PIAS1: variants seen among roughly 807,000 people sequenced by gnomAD.
PIAS1 encodes the protein protein inhibitor of activated STAT 1, also known as E3 SUMO-protein ligase PIAS1.
PIAS1 carries 6 observed loss-of-function variants against 71.3 expected under a neutral mutation model. That is an observed-to-expected ratio of 0.08 (90% CI 0.05 to 0.17). The LOEUF is 0.17. Ranked by LOEUF, PIAS1 falls within the 10% of genes least tolerant of loss-of-function variation. The pLI, the probability that PIAS1 is intolerant of heterozygous loss-of-function variation, is 1.00. For missense variants in PIAS1, 555 were observed against 793.6 expected (o/e 0.70, Z 3.61); for synonymous variants, 303 against 292.9 (o/e 1.03, Z -0.35).
chr15:68,191,572 GCATGACAAGTAACTAA>G lies in PIAS1; in HGVS notation c.*3739_*3754del, dbSNP rs2093120400. 6.6e-6 allele frequency: 1 copy of G among 152,634 alleles called. No homozygotes were observed. The highest frequency in any genetic ancestry group is 2.4e-5 in the African/African-American group (1 of 41,454). The allele number at this position is 152,634 out of a possible 1,614,324, so 9.5% of individuals were successfully genotyped here. On this transcript the variant is annotated 3_prime_UTR_variant, in exon 14 of 14. Coordinates refer to ENST00000249636, the MANE Select transcript of PIAS1 (RefSeq NM_016166.3). ...GCACCTTTCATCCAGAGATTTCAAA[GCATGACAAGTAACTAA>G]CTAATTTTCTTGCAGCATGCTTTGA...
Position 68,084,479 on chromosome 15 carries a change from T to C in PIAS1, c.25-1827T>C, listed in dbSNP as rs1163739689. 2.0e-5 allele frequency among the ~76,000 whole-genome samples: 3 copies of C among 152,186 alleles called. No individual in the cohort carries two copies. The East Asian group carries it at 5.8e-4, about 29-fold the overall frequency. On this transcript the variant is annotated intron_variant, in intron 1 of 13. Coordinates refer to ENST00000249636, the MANE Select transcript of PIAS1 (RefSeq NM_016166.3). ...CTGCTGATATTATAGTTAGTAATTG[T>C]TTACAATCTTTGATAACATTAAAAA...
Position 68,076,226 on chromosome 15 carries a change from T to C in PIAS1, c.25-10080T>C, listed in dbSNP as rs73423740. ...TTATTTTTACCTTAAGATAGGGGAA[T>C]CAGGCTGGGCGCGGTGGCTCACGAA... On this transcript the variant is annotated intron_variant, in intron 1 of 13. Transcript: ENST00000249636. 4.5e-3 allele frequency among the ~76,000 whole-genome samples: 678 copies of C among 152,288 alleles called. 6 individuals carry two copies. The highest frequency in any genetic ancestry group is 0.014 in the African/African-American group (577 of 41,568).
intron 12 of PIAS1, among the ~76,000 whole-genome samples, chr15:68,182,783 C>T (rs2093063390): frequency 6.6e-6 from 1 of 152,178 alleles, no homozygotes; most frequent in African/African-American, 2.4e-5. Context: ...GTATGAAACG[C>T]ACTGTCACTA....
chr15:68,107,709 A>T (rs116628956), intron 2 of PIAS1, among the ~76,000 whole-genome samples: 178 of 152,268 alleles, frequency 1.2e-3, no homozygotes, highest in African/African-American at 4.0e-3. Flanking sequence ...GTGTGATGAA[A>T]GATAAGATGG....
At chr15:68,145,181 A>G (rs1217260797) in intron 4 of PIAS1, among the ~76,000 whole-genome samples, 1 of 152,156 alleles carries the variant, frequency 6.6e-6, no homozygotes, top group Non-Finnish European at 1.5e-5. Flanking sequence ...ATATTTTTAT[A>G]AGTTTCTAAA....
chr15:68,062,349 G>GT (rs1303321176), intron 1 of PIAS1, among the ~76,000 whole-genome samples: 14 of 152,124 alleles, frequency 9.2e-5, no homozygotes, highest in Non-Finnish European at 1.6e-4. Flanking sequence ...GCAGGGGGAG[G>GT]TGACAGCTTT....
intron 2 of PIAS1, among the ~76,000 whole-genome samples, chr15:68,107,823 T>G (rs1359981236): frequency 1.3e-5 from 2 of 152,090 alleles, no homozygotes; most frequent in Non-Finnish European, 2.9e-5. Context: ...AATATACAGT[T>G]ACTTTGTTCC....
intron 4 of PIAS1, among the ~76,000 whole-genome samples, chr15:68,143,938 C>T (rs988016212): frequency 6.6e-5 from 10 of 151,976 alleles, no homozygotes; most frequent in Admixed American, 2.0e-4. Flanking sequence ...AAAACCGTAG[C>T]TTTAGAATAA....
In PIAS1 at chr15:68,086,548, G is replaced by A; in HGVS notation, c.267G>A (p.Leu89=). The change falls in exon 2 of 14, where the codon TTG becomes TTA. Residue 89 remains leucine (L), a synonymous_variant. Transcript: ENST00000249636. The surrounding 1 kb of genome is among the most constrained non-coding windows in gnomAD (Gnocchi z 7.2). The part of the protein sequence containing the change: ...NVHSSPMPAT[L]SPSTIPQLTY... The stretch of plus-strand genomic sequence containing the variant: ...ATTCAAGTCCTATGCCAGCAACTTT[G>A]TCTCCATCTACCATTCCACAACTCA... The A allele has an allele frequency of 6.2e-7, 1 of 1,613,846 alleles. No homozygotes were observed. Among genetic ancestry groups the A allele is most frequent in the Non-Finnish European group, 8.5e-7 (1 of 1,179,830 alleles).
intron 1 of PIAS1, among the ~76,000 whole-genome samples, chr15:68,058,815 A>G (rs1456652548): frequency 6.6e-6 from 1 of 152,222 alleles, no homozygotes; most frequent in Non-Finnish European, 1.5e-5. Context: ...CTGGGTATTT[A>G]TCCACTTAAG....
At position 68,187,392 on chromosome 15, in the gene PIAS1, C is replaced by G; in HGVS notation, c.1663-150C>G. ...CAATGCTCCAGTCCTTACATAAGGC[C>G]ATTTGATTTTGCAAAATGTCTTAGT... On this transcript the variant is annotated intron_variant, in intron 13 of 13. Transcript: ENST00000249636. The surrounding 1 kb of genome is among the most constrained non-coding windows in gnomAD (Gnocchi z 5.3). 1.5e-6 allele frequency: 1 copy of G among 645,346 alleles called. No homozygotes were observed. The highest frequency in any genetic ancestry group is 2.7e-4 in the Middle Eastern group (1 of 3,694). 40.0% of individuals were successfully genotyped at this position (645,346 alleles called of 1,614,324 possible).
At chr15:68,101,861 C>T (rs1464295093) in intron 2 of PIAS1, among the ~76,000 whole-genome samples, 1 of 152,182 alleles carries the variant, frequency 6.6e-6, no homozygotes, top group Non-Finnish European at 1.5e-5. Flanking sequence ...GGCAATCCTC[C>T]TGCCTCAGCC....
At chr15:68,123,543 A>T (rs1207246919) in intron 2 of PIAS1, among the ~76,000 whole-genome samples, 1 of 152,218 alleles carries the variant, frequency 6.6e-6, no homozygotes, top group East Asian at 1.9e-4. Flanking sequence ...GTAGATTAAG[A>T]AACAACATGG....
chr15:68,174,288 A>G lies in PIAS1; in HGVS notation c.1169+396A>G, dbSNP rs2093008688. ...GGTTCATCCAAAATTGGGCTTTTCA[A>G]TAGAAGTTAGCCTATTTCTGGAGAT... On this transcript the variant is annotated intron_variant, in intron 9 of 13. Transcript: ENST00000249636. This position sits in a 1 kb window ranked among gnomAD's most constrained non-coding sequence, Gnocchi z 4.0. Among the ~76,000 whole-genome samples, 1 of 152,224 alleles carries G rather than the reference A, an allele frequency of 6.6e-6. No homozygotes were observed. Among genetic ancestry groups the G allele is most frequent in the South Asian group, 2.1e-4 (1 of 4,832 alleles).
At chr15:68,087,485 C>T (rs916089631) in intron 2 of PIAS1, among the ~76,000 whole-genome samples, 1 of 152,124 alleles carries the variant, frequency 6.6e-6, no homozygotes, top group Non-Finnish European at 1.5e-5. Flanking sequence ...AAATATCAGA[C>T]TTCTAAATGC....
At chr15:68,170,476 A>G (rs903786776) in intron 8 of PIAS1, among the ~76,000 whole-genome samples, 2 of 152,216 alleles carry the variant, frequency 1.3e-5, no homozygotes. Flanking sequence ...CTTACTATGA[A>G]TGGAGCTTAC....
intron 12 of PIAS1, among the ~76,000 whole-genome samples, chr15:68,182,414 A>G (rs766210138): frequency 6.0e-4 from 82 of 136,866 alleles, no homozygotes; most frequent in Non-Finnish European, 1.0e-3. Flanking sequence ...CATTCCCGGG[A>G]AGTTACAGCT....
chr15:68,138,621 C>T (rs570578367), intron 2 of PIAS1, among the ~76,000 whole-genome samples: 13 of 152,180 alleles, frequency 8.5e-5, no homozygotes, highest in African/African-American at 2.6e-4. Context: ...ATTACAGGCG[C>T]ATGCCACCAC....
chr15:68,103,626 C>A (rs1176915637), intron 2 of PIAS1, among the ~76,000 whole-genome samples: 5 of 152,132 alleles, frequency 3.3e-5, no homozygotes, highest in African/African-American at 1.2e-4. Context: ...GCCACCTCTC[C>A]CATCCCCTGA....
Sources: gnomAD v4.1 joint callset for allele counts (sites outside exome capture counted in the v4.1 genomes callset) on GRCh38, gnomAD v4.1.1 for gene constraint, Gnocchi (gnomAD v3.1) non-coding constraint, MANE v1.5 for transcripts, NCBI Gene and HGNC (gene_info 2026-07-23, HGNC 2026-07-21) for gene names.